The following FOXP1 variants were observed in gnomAD, a reference collection of about 807,000 sequenced individuals.
The protein encoded by FOXP1 is forkhead box protein P1.
In FOXP1, 15 loss-of-function variants were observed where a neutral mutation model predicts 98.2. The observed-to-expected ratio is 0.15, with a 90% confidence interval of 0.10 to 0.24. The LOEUF is 0.24. Among genes scored for constraint, FOXP1 ranks in the 10% least tolerant of loss-of-function variants. The pLI is 1.00. For synonymous variants in FOXP1, 371 were observed against 314.5 expected, an observed-to-expected ratio of 1.18 and a Z score of -1.90; for missense variants, 633 against 848.5, an observed-to-expected ratio of 0.75 and a Z score of 3.15.
intron 16 of FOXP1, 29 bp from the exon 17 acceptor site, chr3:70,977,071 T>C: frequency 7.0e-7 from 1 of 1,437,894 alleles, no homozygotes; most frequent in Non-Finnish European, 9.8e-7. Flanking sequence ...CAGAAGATAA[T>C]TTATGACCAA....
chr3:71,340,035 A>G (rs2107774207), intron 4 of FOXP1, among the ~76,000 whole-genome samples: 1 of 152,362 alleles, frequency 6.6e-6, no homozygotes, highest in Admixed American at 6.5e-5. Context: ...TTTCATGTCA[A>G]AGTAAATACC....
chr3:71,421,797 C>G (rs2083673100), intron 3 of FOXP1, among the ~76,000 whole-genome samples: 1 of 152,166 alleles, frequency 6.6e-6, no homozygotes, highest in Non-Finnish European at 1.5e-5. Context: ...ACTCTTAAAA[C>G]CATCACCACC....
At chr3:71,530,813 A>G (rs566109890) in intron 2 of FOXP1, among the ~76,000 whole-genome samples, 1 of 152,350 alleles carries the variant, frequency 6.6e-6, no homozygotes, top group East Asian at 1.9e-4. Flanking sequence ...TTAGGATTTG[A>G]ACCCAGGGCC....
At chr3:71,208,317 T>C (rs771470893) in intron 5 of FOXP1, among the ~76,000 whole-genome samples, 1 of 152,132 alleles carries the variant, frequency 6.6e-6, no homozygotes, top group Non-Finnish European at 1.5e-5. Flanking sequence ...ACTGAGCTAG[T>C]GGCCTTTCAG....
At chr3:71,094,197 T>C (rs578164238) in intron 7 of FOXP1, among the ~76,000 whole-genome samples, 1 of 152,282 alleles carries the variant, frequency 6.6e-6, no homozygotes, top group South Asian at 2.1e-4. Flanking sequence ...GAAAAACAAG[T>C]TCACAATGGC....
At chr3:71,490,896 T>A (rs1226833748) in intron 3 of FOXP1, among the ~76,000 whole-genome samples, 9 of 152,146 alleles carry the variant, frequency 5.9e-5, no homozygotes, top group Admixed American at 2.6e-4. Context: ...AAAACCTGAG[T>A]TTGTTGTTAT....
At position 71,158,163 on chromosome 3, in the gene FOXP1, G is replaced by GGGAAGGAA. The variant is rs144415413; in HGVS notation, c.180+40031_180+40038dup. Among the ~76,000 whole-genome samples, 9 of 84,516 alleles carry GGGAAGGAA rather than the reference G, an allele frequency of 1.1e-4. No individual in the cohort carries two copies. In the East Asian group the frequency reaches 2.6e-3, roughly 24 times the overall value. 55.4% of individuals were successfully genotyped at this position (84,516 alleles called of 152,430 possible). A position where few individuals can be genotyped will look rare whatever the true frequency, so the allele number is the denominator to read the frequency against. Reference sequence around the variant, plus strand: ...AGGCAGGGAAGGAGGGAGGGAGGCAGGGAAGGAAGGAAGGAGGGAAGGAGG... The same window carrying GGGAAGGAA: ...AGGCAGGGAAGGAGGGAGGGAGGCAGGGAAGGAAGGAAGGAAGGAAGGAGGGAAGGAGG... On this transcript the variant is annotated intron_variant, in intron 6 of 20. Transcript: ENST00000649528.
chr3:71,479,140 T>C (rs562103315), intron 3 of FOXP1, among the ~76,000 whole-genome samples: 76 of 152,266 alleles, frequency 5.0e-4, no homozygotes, highest in Middle Eastern at 6.8e-3. Context: ...AAACAAAGGA[T>C]AGGGCTGGGC....
intron 7 of FOXP1, among the ~76,000 whole-genome samples, chr3:71,100,067 A>G (rs2056823374): frequency 6.6e-6 from 1 of 152,350 alleles, no homozygotes. Context: ...ATGGATCAGC[A>G]TAGACTATGG....
At chr3:71,399,772 A>G (rs1406666549) in intron 3 of FOXP1, among the ~76,000 whole-genome samples, 1 of 152,358 alleles carries the variant, frequency 6.6e-6, no homozygotes, top group Middle Eastern at 3.4e-3. Context: ...AATTTTATGT[A>G]TAACTACAGT....
At chr3:71,495,955 C>A (rs1199985236) in intron 2 of FOXP1, among the ~76,000 whole-genome samples, 1 of 152,112 alleles carries the variant, frequency 6.6e-6, no homozygotes. Flanking sequence ...GCTGAGAAAT[C>A]CTCACTTTAT....
intron 2 of FOXP1, chr3:71,574,509 G>A (rs1225126217): frequency 6.6e-6 from 1 of 151,782 alleles, no homozygotes; most frequent in Non-Finnish European, 1.5e-5. Flanking sequence ...TAGGATTCTG[G>A]TTTCTTTATT....
At chr3:71,052,669 C>T in intron 8 of FOXP1, 43 bp from the exon 9 acceptor site, 1 of 881,712 alleles carries the variant, frequency 1.1e-6, no homozygotes, top group Non-Finnish European at 2.0e-6. Context: ...AGGGTAGCGC[C>T]AATCCACTGT....
chr3:71,544,581 G>A (rs2045201627), intron 2 of FOXP1, among the ~76,000 whole-genome samples: 2 of 152,168 alleles, frequency 1.3e-5, no homozygotes, highest in Non-Finnish European at 2.9e-5. Context: ...GGGAAGGAAT[G>A]GCTAAACAAT....
intron 2 of FOXP1, among the ~76,000 whole-genome samples, chr3:71,562,757 T>C (rs2046633819): frequency 6.6e-6 from 1 of 152,200 alleles, no homozygotes; most frequent in Non-Finnish European, 1.5e-5. Context: ...AGATGATACA[T>C]GTCAGGAATA....
At chr3:71,582,244 G>A (rs1399979931) in intron 1 of FOXP1, 2 of 985,374 alleles carry the variant, frequency 2.0e-6, no homozygotes, top group Non-Finnish European at 2.4e-6. Flanking sequence ...GGGCCAAAAA[G>A]AAGAAGGAAT....
chr3:71,398,472 T>C (rs6549388), intron 3 of FOXP1, among the ~76,000 whole-genome samples: 1,856 of 152,308 alleles, frequency 0.012, 44 homozygotes, highest in African/African-American at 0.042. Context: ...ACTTTGCTGG[T>C]ATAAGCTAAT....
At chr3:71,399,224 G>T (rs930172794) in intron 3 of FOXP1, among the ~76,000 whole-genome samples, 5 of 151,538 alleles carry the variant, frequency 3.3e-5, no homozygotes, top group Non-Finnish European at 7.4e-5. Context: ...ATGTACATAG[G>T]TTTAGGTGTA....
Position 71,171,446 on chromosome 3 carries a change from G to A in FOXP1, c.180+26756C>T, listed in dbSNP as rs146130912. Among the ~76,000 whole-genome samples the A allele has an allele frequency of 7.2e-5, 11 of 152,212 alleles. No individual in the cohort carries two copies. In the South Asian group the frequency reaches 8.3e-4, roughly 11 times the overall value. On this transcript the variant is annotated intron_variant, in intron 6 of 20. Coordinates refer to ENST00000649528, the MANE Select transcript of FOXP1 (RefSeq NM_001349338.3). ...AGAGCGTGCTAACAAATGCAATCCCGTAAACAGGCATTTTTCCTCTTGTTG... is the reference window on the plus strand; with the variant it reads ...AGAGCGTGCTAACAAATGCAATCCCATAAACAGGCATTTTTCCTCTTGTTG...
Sources: allele counts gnomAD v4.1 joint callset (sites outside exome capture counted in the v4.1 genomes callset), GRCh38; gene constraint gnomAD v4.1.1; transcripts MANE v1.5; gene names NCBI Gene and HGNC (gene_info 2026-07-23, HGNC 2026-07-21).